The following ZNF423 variants were observed in gnomAD, a reference collection of about 807,000 sequenced individuals.
ZNF423 encodes Ebf-associated zinc finger protein.
ZNF423 carries 12 observed loss-of-function variants against 95.8 expected under a neutral mutation model. The ratio of observed to expected loss-of-function variants is 0.13; its 90% CI spans 0.08 to 0.20. The LOEUF (loss-of-function observed/expected upper bound fraction) is 0.20. Among genes scored for constraint, ZNF423 ranks in the 10% least tolerant of loss-of-function variants. ZNF423 has a pLI of 1.00. For synonymous variants in ZNF423, 749 were observed against 711.9 expected (o/e 1.05, Z -0.83); for missense variants, 1,316 against 1,737.1 (o/e 0.76, Z 4.31).
intron 1 of ZNF423, among the ~76,000 whole-genome samples, chr16:49,840,574 G>A (rs1176783139): frequency 6.6e-6 from 1 of 152,240 alleles, no homozygotes; most frequent in Non-Finnish European, 1.5e-5. Flanking sequence ...CTCTGTCCCT[G>A]TACTGAGAGT....
chr16:49,812,993 T>C (rs993702354), intron 1 of ZNF423, among the ~76,000 whole-genome samples: 1 of 152,114 alleles, frequency 6.6e-6, no homozygotes, highest in Non-Finnish European at 1.5e-5. Context: ...GTGTGTGTTC[T>C]ACTTAAACCC....
intron 3 of ZNF423, among the ~76,000 whole-genome samples, chr16:49,686,644 C>T (rs2031576437): frequency 6.6e-6 from 1 of 152,098 alleles, no homozygotes; most frequent in South Asian, 2.1e-4. Flanking sequence ...CACACCCAGG[C>T]TTCCTACCTG....
intron 3 of ZNF423, among the ~76,000 whole-genome samples, chr16:49,674,788 G>A (rs1016451548): frequency 6.6e-6 from 1 of 152,142 alleles, no homozygotes; most frequent in Non-Finnish European, 1.5e-5. Flanking sequence ...GGGACTCTGC[G>A]GTCTGAGTGA....
intron 5 of ZNF423, among the ~76,000 whole-genome samples, chr16:49,547,416 G>C (rs1969478738): frequency 6.6e-6 from 1 of 152,176 alleles, no homozygotes; most frequent in Non-Finnish European, 1.5e-5. Flanking sequence ...GAGCCATAAG[G>C]CTCAGCAGAG....
At chr16:49,673,282 G>A (rs1454419979) in intron 3 of ZNF423, among the ~76,000 whole-genome samples, 1 of 152,182 alleles carries the variant, frequency 6.6e-6, no homozygotes, top group East Asian at 1.9e-4. Flanking sequence ...GGAGCCCCAC[G>A]ACTCCCCTGG....
chr16:49,839,902 C>G (rs2035165426), intron 1 of ZNF423, among the ~76,000 whole-genome samples: 1 of 152,224 alleles, frequency 6.6e-6, no homozygotes, highest in African/African-American at 2.4e-5. Flanking sequence ...AGCATCACCT[C>G]CAGGATGGCC....
At chr16:49,672,018 C>T (rs1293327575) in intron 3 of ZNF423, among the ~76,000 whole-genome samples, 1 of 152,140 alleles carries the variant, frequency 6.6e-6, no homozygotes, top group African/African-American at 2.4e-5. Flanking sequence ...CAACTCCCTA[C>T]CCCAAACCCA....
chr16:49,820,821 T>C (rs142264876), intron 1 of ZNF423, among the ~76,000 whole-genome samples: 4 of 152,372 alleles, frequency 2.6e-5, no homozygotes, highest in African/African-American at 4.8e-5. Flanking sequence ...CATTTGTCTG[T>C]TAAAAATCAC....
chr16:49,820,699 C>T (rs147627369), intron 1 of ZNF423, among the ~76,000 whole-genome samples: 1 of 152,204 alleles, frequency 6.6e-6, no homozygotes, highest in Admixed American at 6.5e-5. Context: ...CTTTTCCCTA[C>T]AAGATCCCAA....
chr16:49,674,614 T>C (rs978272826), intron 3 of ZNF423, among the ~76,000 whole-genome samples: 7 of 151,844 alleles, frequency 4.6e-5, no homozygotes, highest in Admixed American at 4.6e-4. Context: ...TCAGGGAAAA[T>C]AATCAGGCAG....
At chr16:49,732,002 G>A (rs1207110237) in intron 2 of ZNF423, among the ~76,000 whole-genome samples, 4 of 152,090 alleles carry the variant, frequency 2.6e-5, no homozygotes, top group African/African-American at 7.2e-5. Context: ...GCTGTGTTCC[G>A]TGCTTCTTCA....
At chr16:49,762,717 C>T (rs1015733327) in intron 2 of ZNF423, among the ~76,000 whole-genome samples, 2 of 152,180 alleles carry the variant, frequency 1.3e-5, no homozygotes, top group Non-Finnish European at 2.9e-5. Flanking sequence ...CACTACCTTC[C>T]GCTCTCGGGA....
rs1968354033 is a variant in ZNF423 at position 49,520,535 on chromosome 16, T to C, written c.3849+3089A>G. 1.3e-5 allele frequency among the ~76,000 whole-genome samples: 2 copies of C among 152,296 alleles called. 1 individual carries two copies. Among genetic ancestry groups the C allele is most frequent in the South Asian group, 4.2e-4 (2 of 4,816 alleles). On this transcript the variant is annotated intron_variant, in intron 7 of 7. Coordinates refer to ENST00000563137, the MANE Select transcript of ZNF423 (RefSeq NM_001379286.1). ...CTTCCTGGTCCTGCAGTGAGCTCAA[T>C]CCTAAGCCTAGAATCTTCTCAAGAC...
intron 3 of ZNF423, among the ~76,000 whole-genome samples, chr16:49,641,011 C>T (rs1347245679): frequency 6.6e-6 from 1 of 152,228 alleles, no homozygotes; most frequent in African/African-American, 2.4e-5. Flanking sequence ...TCGGCCCCCG[C>T]TCCAGGCCAG....
chr16:49,740,428 G>C (rs1178039531), intron 2 of ZNF423, among the ~76,000 whole-genome samples: 1 of 152,234 alleles, frequency 6.6e-6, no homozygotes, highest in East Asian at 1.9e-4. Context: ...CACTCGGCTT[G>C]TGCATCCATT....
intron 1 of ZNF423, chr16:49,854,425 G>A (rs1235807354): frequency 1.0e-6 from 1 of 985,340 alleles, no homozygotes; most frequent in African/African-American, 1.7e-5. Flanking sequence ...CCAGGCGCAA[G>A]GCTGGCAGGA....
chr16:49,609,784 G>T (rs577785452), intron 5 of ZNF423, among the ~76,000 whole-genome samples: 1 of 152,110 alleles, frequency 6.6e-6, no homozygotes, highest in Admixed American at 6.5e-5. Flanking sequence ...AAGAGTGATG[G>T]CTGAAAAATT....
At chr16:49,685,827 A>G (rs2031542854) in intron 3 of ZNF423, among the ~76,000 whole-genome samples, 2 of 152,092 alleles carry the variant, frequency 1.3e-5, no homozygotes, top group African/African-American at 2.4e-5. Flanking sequence ...CTCCTAGAAC[A>G]TAATACAAAT....
chr16:49,565,701 C>T (rs936911384), intron 5 of ZNF423, among the ~76,000 whole-genome samples: 6 of 152,180 alleles, frequency 3.9e-5, no homozygotes, highest in East Asian at 1.9e-4. Context: ...ATCGGGGCTC[C>T]GTGAACAGGG....
Sources: allele counts gnomAD v4.1 joint callset (sites outside exome capture counted in the v4.1 genomes callset), GRCh38; gene constraint gnomAD v4.1.1; transcripts MANE v1.5; gene names NCBI Gene and HGNC (gene_info 2026-07-23, HGNC 2026-07-21).